The following FCRL4 variants were observed in gnomAD, a reference collection of about 807,000 sequenced individuals.
FCRL4 encodes the protein Fc receptor-like protein 4.
In FCRL4, 43 loss-of-function variants were observed where a neutral mutation model predicts 64.1. The ratio of observed to expected loss-of-function variants is 0.67; its 90% CI spans 0.53 to 0.87. The LOEUF is 0.87. Among genes scored for constraint, FCRL4 ranks in the 40% least tolerant of loss-of-function variants. The pLI, the probability that FCRL4 is intolerant of heterozygous loss-of-function variation, is 0.00. For missense variants in FCRL4, 656 were observed against 613.5 expected (o/e 1.07, Z -0.73); for synonymous variants, 253 against 239.8 (o/e 1.05, Z -0.51).
At chr1:157,581,892 G>A (rs1469898879) in intron 6 of FCRL4, among the ~76,000 whole-genome samples, 1 of 152,188 alleles carries the variant, frequency 6.6e-6, no homozygotes, top group Non-Finnish European at 1.5e-5. Context: ...CAATTTAGGG[G>A]AAATCCTAAT....
intron 10 of FCRL4, among the ~76,000 whole-genome samples, chr1:157,576,293 G>A (rs1652412821): frequency 6.6e-6 from 1 of 152,196 alleles, no homozygotes; most frequent in Non-Finnish European, 1.5e-5. Flanking sequence ...GAGCAGCAGA[G>A]CAATTTTATG....
At chr1:157,592,568 T>A (rs1207687998) in intron 2 of FCRL4, among the ~76,000 whole-genome samples, 1 of 152,146 alleles carries the variant, frequency 6.6e-6, no homozygotes, top group Non-Finnish European at 1.5e-5. Flanking sequence ...ATGGCGATCA[T>A]TAAAAAGTCA....
chr1:157,586,531 G>T lies in FCRL4; in HGVS notation c.848-76C>A, dbSNP rs559139713. The T allele has an allele frequency of 1.8e-5, 25 of 1,405,792 alleles. No homozygotes were observed. The African/African-American group carries it at 2.6e-4, about 14-fold the overall frequency. The allele number at this position is 1,405,792 out of a possible 1,614,324, so 87.1% of individuals were successfully genotyped here. On this transcript the variant is annotated intron_variant, in intron 5 of 11. Coordinates refer to ENST00000271532, the MANE Select transcript of FCRL4 (RefSeq NM_031282.3). The stretch of plus-strand genomic sequence containing the variant: ...GCTAGGTAGCTGGGGTGTTGGGCAG[G>T]GTTACTTTTTATGTGACTTCAAGAT...
At position 157,587,323 on chromosome 1, in the gene FCRL4, C is replaced by G. The variant is rs1326961408; in HGVS notation, c.800G>C (p.Arg267Thr). Residue 267 changes from arginine to threonine, a missense_variant, in exon 5 of 12, where the codon AGG becomes ACG. Coordinates refer to ENST00000271532, the MANE Select transcript of FCRL4 (RefSeq NM_031282.3). ...GSYWCGAETVRGNIHKHSPSL... is the reference protein window; with the variant it reads ...GSYWCGAETVTGNIHKHSPSL... ...GGGACTGTGCTTGTGGATGTTACCC[C>G]TCACTGTTTCAGCACCACACCAATA... is the stretch of plus-strand genomic sequence containing the variant. 1 of 1,614,242 alleles carries G rather than the reference C, an allele frequency of 6.2e-7. No individual in the cohort carries two copies. The highest frequency in any genetic ancestry group is 1.1e-5 in the South Asian group (1 of 91,090).
intron 10 of FCRL4, among the ~76,000 whole-genome samples, chr1:157,577,353 A>G (rs1333314736): frequency 6.6e-6 from 1 of 152,224 alleles, no homozygotes; most frequent in Non-Finnish European, 1.5e-5. Flanking sequence ...TTTTTCTAAC[A>G]AAAGATCTCA....
rs542711577 is a variant in FCRL4, at chr1:157,581,725, C to T, written c.1136-81G>A. 62 of 1,108,898 alleles carry T rather than the reference C, an allele frequency of 5.6e-5. No individual in the cohort carries two copies. In the Admixed American group the frequency reaches 9.2e-4, roughly 17 times the overall value. 68.7% of individuals were successfully genotyped at this position (1,108,898 alleles called of 1,614,324 possible). A position where few individuals can be genotyped will look rare whatever the true frequency, so the allele number is the denominator to read the frequency against. ...CCTTTTCCTCAGCTTGGTTGGGTAA[C>T]GAGCCCTGGAAGAGAGAAAAATCTA... On this transcript the variant is annotated intron_variant, in intron 6 of 11. Transcript: ENST00000271532.
chr1:157,586,554 G>C, intron 5 of FCRL4, 99 bp from the exon 6 acceptor site: 1 of 1,044,666 alleles, frequency 9.6e-7, no homozygotes, highest in Non-Finnish European at 1.4e-6. Context: ...GTGACTTCAA[G>C]ATATACTCTT....
chr1:157,581,294 C>T (rs1289398644), intron 7 of FCRL4, among the ~76,000 whole-genome samples: 1 of 152,198 alleles, frequency 6.6e-6, no homozygotes, highest in Non-Finnish European at 1.5e-5. Context: ...TTCACTCTTC[C>T]TCCCCTTCAC....
intron 8 of FCRL4, among the ~76,000 whole-genome samples, chr1:157,580,071 T>C (rs1172708778): frequency 6.6e-6 from 1 of 152,254 alleles, no homozygotes; most frequent in Non-Finnish European, 1.5e-5. Flanking sequence ...TTATAACCTT[T>C]GGTATTATCC....
rs1336157493 is a variant in FCRL4 at position 157,578,673 on chromosome 1, G to A, written c.1360+97C>T. On this transcript the variant is annotated intron_variant, in intron 9 of 11. Transcript: ENST00000271532. ...ATTATCTGGGAATATCTGGATTTGG[G>A]ACACTTTAGGGAGTCCAGGGGCATT... 4 of 1,424,842 alleles carry A rather than the reference G, an allele frequency of 2.8e-6. No individual in the cohort carries two copies. The African/African-American group carries it at 5.6e-5, about 20-fold the overall frequency. 88.3% of individuals were successfully genotyped at this position (1,424,842 alleles called of 1,614,324 possible).
Position 157,573,793 on chromosome 1 carries a change from A to G in FCRL4, c.*1731T>C, listed in dbSNP as rs902390538. On this transcript the variant is annotated 3_prime_UTR_variant, in exon 12 of 12. Transcript: ENST00000271532. ...CTAATACTTCAGTATAAGCGCTGAA[A>G]GTGAATATCCTTTTGCTTTTATAAA... The G allele has an allele frequency of 5.4e-6, 1 of 186,308 alleles. No individual in the cohort carries two copies. Among genetic ancestry groups the G allele is most frequent in the African/African-American group, 2.3e-5 (1 of 42,822 alleles). The allele number at this position is 186,308 out of a possible 1,614,324, so 11.5% of individuals were successfully genotyped here.
At chr1:157,585,344 C>CTCTCTTTCTTTCTT (rs1386601138) in intron 6 of FCRL4, among the ~76,000 whole-genome samples, 23 of 81,316 alleles carry the variant, frequency 2.8e-4, no homozygotes, top group East Asian at 8.5e-4. Context: ...CTTTCTCTCT[C>CTCTCTTTCTTTCTT]TCTTTCTTTC....
At chr1:157,582,551 C>G (rs1282408206) in intron 6 of FCRL4, among the ~76,000 whole-genome samples, 1 of 152,190 alleles carries the variant, frequency 6.6e-6, no homozygotes, top group Non-Finnish European at 1.5e-5. Context: ...ATTCAGACCT[C>G]AGACACAGGT....
Position 157,578,713 on chromosome 1 carries a change from G to T in FCRL4, c.1360+57C>A. 3 of 1,555,340 alleles carry T rather than the reference G, an allele frequency of 1.9e-6. No individual in the cohort carries two copies. The South Asian group carries it at 3.4e-5, about 17-fold the overall frequency. ...CCAGGGGCATTTCCCAGGGCTGAAA[G>T]CGCATTATCTTTCCATGGCTGAGGC... On this transcript the variant is annotated intron_variant, in intron 9 of 11. Transcript: ENST00000271532.
Position 157,586,256 on chromosome 1 carries a change from G to C in FCRL4, c.1047C>G (p.Ile349Met), listed in dbSNP as rs139766122. ...AGTATCCCCCTGCATGGCTCTGTCT[G>C]ATGGCAGGGAGCTCCAGCTCTGCTC... ...SLRAELELPA[I>M]RQSHAGGYYC... The change falls in exon 6 of 12, where the codon ATC becomes ATG. Residue 349 changes from isoleucine (I) to methionine (M), a missense_variant. Coordinates refer to ENST00000271532, the MANE Select transcript of FCRL4 (RefSeq NM_031282.3). 544 of 1,613,958 alleles carry C rather than the reference G, an allele frequency of 3.4e-4. No homozygotes were observed. Among genetic ancestry groups the C allele is most frequent in the Non-Finnish European group, 4.1e-4 (484 of 1,179,986 alleles).
chr1:157,584,299 C>T (rs566856255), intron 6 of FCRL4, among the ~76,000 whole-genome samples: 1 of 152,168 alleles, frequency 6.6e-6, no homozygotes, highest in East Asian at 1.9e-4. Context: ...TAATCTGATT[C>T]TTGAAATGCC....
At chr1:157,590,699 A>G (rs1173106584) in intron 2 of FCRL4, among the ~76,000 whole-genome samples, 3 of 151,928 alleles carry the variant, frequency 2.0e-5, no homozygotes, top group African/African-American at 7.3e-5. Context: ...TTGTATTTTT[A>G]GTAGAGACAG....
rs1652532024 is a variant in FCRL4 at position 157,580,318 on chromosome 1, C to CA, written c.1277+2dup. 1.9e-6 allele frequency: 3 copies of CA among 1,614,146 alleles called. No individual in the cohort carries two copies. The highest frequency in any genetic ancestry group is 1.3e-5 in the African/African-American group (1 of 75,050). On this transcript the variant is annotated splice_region_variant and intron_variant, in intron 8 of 11. Coordinates refer to ENST00000271532, the MANE Select transcript of FCRL4 (RefSeq NM_031282.3). ...AAAGGAATGGCAGAAACTGAGGTCT[C>CA]ACCTGGTTTCGTCTCCCAAGAAACC...
Position 157,587,999 on chromosome 1 carries a change from A to G in FCRL4, c.428T>C (p.Leu143Pro), listed in dbSNP as rs1209651539. ...AVKYTWNGNI[L>P]SISNKSWDLL... Reference sequence around the variant, plus strand: ...ATCCCAGCTTTTATTAGAAATGGAAAGAATGTTTCCATTCCAAGTATATTT... The same window carrying G: ...ATCCCAGCTTTTATTAGAAATGGAAGGAATGTTTCCATTCCAAGTATATTT... The change falls in exon 4 of 12, where the codon CTT (leucine) becomes CCT (proline). Residue 143 changes from leucine (L) to proline (P), a missense_variant. Physicochemically the swap from Leu to Pro is moderately conservative, Grantham distance 98. Coordinates refer to ENST00000271532, the MANE Select transcript of FCRL4 (RefSeq NM_031282.3). The G allele has an allele frequency of 6.2e-7, 1 of 1,613,292 alleles. No homozygotes were observed. Among genetic ancestry groups the G allele is most frequent in the East Asian group, 2.2e-5 (1 of 44,844 alleles).
Sources: allele counts gnomAD v4.1 joint callset (sites outside exome capture counted in the v4.1 genomes callset), GRCh38; gene constraint gnomAD v4.1.1; transcripts MANE v1.5; gene names NCBI Gene and HGNC (gene_info 2026-07-23, HGNC 2026-07-21).